Variants in GPATCH2 observed in about 807,000 individuals in gnomAD.
GPATCH2 encodes G patch domain-containing protein 2.
A neutral mutation model predicts 58.0 loss-of-function variants in GPATCH2; 51 were observed. The observed-to-expected ratio is 0.88, with a 90% CI of 0.70 to 1.11. GPATCH2 has a LOEUF of 1.11. Among genes scored for constraint, GPATCH2 ranks in the 50% most tolerant of loss-of-function variants. The pLI, the probability that GPATCH2 is intolerant of heterozygous loss-of-function variation, is 0.00. For missense variants in GPATCH2, 625 were observed against 652.2 expected, an observed-to-expected ratio of 0.96 and a Z score of 0.45; for synonymous variants, 222 against 218.5, an observed-to-expected ratio of 1.02 and a Z score of -0.14.
chr1:217,503,781 G>C (rs998043723), intron 6 of GPATCH2, among the ~76,000 whole-genome samples: 1 of 151,912 alleles, frequency 6.6e-6, no homozygotes. Flanking sequence ...GATGAAGAAC[G>C]TTGAATTCCA....
At chr1:217,546,045 G>A (rs1371552703) in intron 5 of GPATCH2, among the ~76,000 whole-genome samples, 1 of 152,032 alleles carries the variant, frequency 6.6e-6, no homozygotes, top group Non-Finnish European at 1.5e-5. Flanking sequence ...ATATCACAAA[G>A]TTTTAATTTT....
chr1:217,455,797 C>T (rs888945499), intron 8 of GPATCH2, among the ~76,000 whole-genome samples: 1 of 151,990 alleles, frequency 6.6e-6, no homozygotes, highest in South Asian at 2.1e-4. Flanking sequence ...TGCCTTTGGA[C>T]TGCCACACCT....
chr1:217,517,205 C>T (rs1213733495), intron 5 of GPATCH2, among the ~76,000 whole-genome samples: 2 of 152,154 alleles, frequency 1.3e-5, no homozygotes, highest in African/African-American at 4.8e-5. Flanking sequence ...TTACCTAGTA[C>T]ATGATCCCTT....
intron 7 of GPATCH2, among the ~76,000 whole-genome samples, chr1:217,496,909 A>C (rs903776568): frequency 6.6e-6 from 1 of 152,180 alleles, no homozygotes. Flanking sequence ...ACAGATCTGA[A>C]ATGGCACATC....
At position 217,552,561 on chromosome 1, in the gene GPATCH2, C is replaced by T. The variant is rs188541402; in HGVS notation, c.1099-37672G>A. ...AAAAGTCCATATGTTACTGTGCCAC[C>T]ATAAATTATGTTGGAACGAATGGTC... On this transcript the variant is annotated intron_variant, in intron 5 of 9. Transcript: ENST00000366935. 7.5e-4 allele frequency among the ~76,000 whole-genome samples: 114 copies of T among 152,166 alleles called. 1 individual carries two copies. The highest frequency in any genetic ancestry group is 2.4e-3 in the African/African-American group (99 of 41,512).
In GPATCH2 at chr1:217,571,710, AAAAAAAAAAAC is replaced by A. The variant is rs1341556546; in HGVS notation, c.1098+38600_1098+38610del. Among the ~76,000 whole-genome samples the A allele has an allele frequency of 7.4e-4, 110 of 148,716 alleles. 1 individual carries two copies. The highest frequency in any genetic ancestry group is 2.5e-3 in the African/African-American group (101 of 40,966). ...GAAGAACAAAAACGAAACCAAAAAA[AAAAAAAAAAAC>A]AAAAAAGAAGAAAATAAGAAAATTA... On this transcript the variant is annotated intron_variant, in intron 5 of 9. Coordinates refer to ENST00000366935, the MANE Select transcript of GPATCH2 (RefSeq NM_018040.5).
At chr1:217,579,487 T>C (rs78544549) in intron 5 of GPATCH2, among the ~76,000 whole-genome samples, 1 of 152,072 alleles carries the variant, frequency 6.6e-6, no homozygotes, top group African/African-American at 2.4e-5. Context: ...AATCAATACA[T>C]TCAGAATGAA....
chr1:217,620,774 T>A (rs924915664), intron 1 of GPATCH2, among the ~76,000 whole-genome samples: 2 of 152,216 alleles, frequency 1.3e-5, no homozygotes, highest in African/African-American at 4.8e-5. Context: ...TTTTTCTGTA[T>A]AATTATGGAA....
At chr1:217,498,455 T>G (rs956309863) in intron 6 of GPATCH2, 60 bp from the exon 7 acceptor site, 2 of 1,259,088 alleles carry the variant, frequency 1.6e-6, no homozygotes, top group Admixed American at 3.4e-5. Context: ...TGCTCTCACA[T>G]GATCGAGCCG....
intron 5 of GPATCH2, among the ~76,000 whole-genome samples, chr1:217,523,631 C>A (rs1237535405): frequency 2.6e-5 from 4 of 151,776 alleles, no homozygotes; most frequent in African/African-American, 7.3e-5. Flanking sequence ...CCTTTCCCCC[C>A]TTTCTATTCC....
At chr1:217,571,716 A>C (rs1048275233) in intron 5 of GPATCH2, among the ~76,000 whole-genome samples, 7 of 148,430 alleles carry the variant, frequency 4.7e-5, no homozygotes, top group African/African-American at 1.7e-4. Context: ...AAAAAAAAAA[A>C]AAAACAAAAA....
At chr1:217,493,847 T>C (rs569132401) in intron 7 of GPATCH2, among the ~76,000 whole-genome samples, 2 of 152,128 alleles carry the variant, frequency 1.3e-5, no homozygotes, top group African/African-American at 4.8e-5. Flanking sequence ...TAGTTAATAG[T>C]TAATTATGTT....
chr1:217,620,335 C>A lies in GPATCH2; in HGVS notation c.221G>T (p.Arg74Met). 6.2e-7 allele frequency: 1 copy of A among 1,614,022 alleles called. No individual in the cohort carries two copies. Among genetic ancestry groups the A allele is most frequent in the East Asian group, 2.2e-5 (1 of 44,848 alleles). Residue 74 changes from arginine to methionine, a missense_variant, in exon 2 of 10, where the codon AGG becomes ATG. By Grantham distance (91) the Arg-to-Met change is moderately conservative. Coordinates refer to ENST00000366935, the MANE Select transcript of GPATCH2 (RefSeq NM_018040.5). ...CCACGGGTGATGCACATTATACGAC[C>A]TCCGTTTTCTCCCTCTCCTTTTCCT... is the stretch of plus-strand genomic sequence containing the variant. Reference protein sequence around the residue: ...QARKRRGRKRRSYNVHHPWET... With the variant: ...QARKRRGRKRMSYNVHHPWET...
intron 8 of GPATCH2, among the ~76,000 whole-genome samples, chr1:217,486,682 T>C (rs568327988): frequency 1.3e-4 from 20 of 152,278 alleles, no homozygotes; most frequent in African/African-American, 4.8e-4. Context: ...TCTGAGAATA[T>C]TGGCTAGTCT....
intron 8 of GPATCH2, among the ~76,000 whole-genome samples, chr1:217,458,137 G>A (rs964331296): frequency 3.3e-5 from 5 of 152,204 alleles, no homozygotes; most frequent in African/African-American, 1.2e-4. Flanking sequence ...GGCTGAGGCA[G>A]GAGAATGGCG....
At chr1:217,536,198 G>C (rs1664452809) in intron 5 of GPATCH2, among the ~76,000 whole-genome samples, 1 of 152,160 alleles carries the variant, frequency 6.6e-6, no homozygotes, top group East Asian at 1.9e-4. Flanking sequence ...TTTGTAGTCA[G>C]ATGAAGCAAT....
intron 5 of GPATCH2, among the ~76,000 whole-genome samples, chr1:217,538,977 A>G (rs752012509): frequency 9.2e-5 from 14 of 152,160 alleles, no homozygotes; most frequent in Non-Finnish European, 1.9e-4. Context: ...CTAAAAGCAG[A>G]TGAAAAGGTG....
intron 5 of GPATCH2, among the ~76,000 whole-genome samples, chr1:217,555,802 C>T (rs796614797): frequency 1.6e-4 from 24 of 152,268 alleles, no homozygotes; most frequent in African/African-American, 5.5e-4. Context: ...AGTTTATGAA[C>T]ATCTGCACTT....
chr1:217,608,936 T>A (rs1364083767), intron 5 of GPATCH2: 1 of 984,116 alleles, frequency 1.0e-6, no homozygotes, highest in African/African-American at 1.7e-5. Context: ...TCCTGTTTAA[T>A]GCATTTGCTG....
Sources: allele counts gnomAD v4.1 joint callset (sites outside exome capture counted in the v4.1 genomes callset), GRCh38; gene constraint gnomAD v4.1.1; transcripts MANE v1.5; gene names NCBI Gene and HGNC (gene_info 2026-07-23, HGNC 2026-07-21).